The following LAMA3 variants were observed in gnomAD, a reference collection of about 807,000 sequenced individuals.
LAMA3 encodes the protein laminin subunit alpha 3, also known as laminin subunit alpha-3.
LAMA3 carries 281 observed loss-of-function variants against 402.0 expected under a neutral mutation model. That is an observed-to-expected ratio of 0.70 (90% CI 0.63 to 0.77). LAMA3 has a LOEUF of 0.77. Among genes scored for constraint, LAMA3 ranks in the 30% least tolerant of loss-of-function variants. The pLI is 0.00. For synonymous variants in LAMA3, 1,431 were observed against 1,558.4 expected, an observed-to-expected ratio of 0.92 and a Z score of 1.93; for missense variants, 3,840 against 4,215.5, an observed-to-expected ratio of 0.91 and a Z score of 2.47.
intron 25 of LAMA3, among the ~76,000 whole-genome samples, chr18:23,837,869 A>G (rs1389247836): frequency 1.3e-5 from 2 of 152,176 alleles, no homozygotes; most frequent in Admixed American, 6.5e-5. Flanking sequence ...TGTGCCTGAT[A>G]GTATTAAAAA....
At chr18:23,945,609 G>A (rs566311883) in intron 69 of LAMA3, among the ~76,000 whole-genome samples, 11 of 152,284 alleles carry the variant, frequency 7.2e-5, no homozygotes, top group South Asian at 2.1e-4. Context: ...GGAAGTGTCC[G>A]TAGTGAATAG....
chr18:23,899,756 C>A (rs919609213), intron 47 of LAMA3: 2 of 312,796 alleles, frequency 6.4e-6, no homozygotes, highest in Non-Finnish European at 1.2e-5. Context: ...TCACCTCTTT[C>A]CAGTTTTCTC....
chr18:23,831,844 C>T (rs1157265702), intron 23 of LAMA3, among the ~76,000 whole-genome samples: 1 of 152,146 alleles, frequency 6.6e-6, no homozygotes, highest in East Asian at 1.9e-4. Context: ...ATGTATTTAT[C>T]CTAAAACACT....
intron 2 of LAMA3, among the ~76,000 whole-genome samples, chr18:23,714,332 C>A (rs2061054989): frequency 6.6e-6 from 1 of 152,112 alleles, no homozygotes; most frequent in African/African-American, 2.4e-5. Context: ...CCAGCCTGAT[C>A]AACATGGTGA....
intron 1 of LAMA3, among the ~76,000 whole-genome samples, chr18:23,708,898 C>T (rs1304821203): frequency 6.7e-6 from 1 of 148,334 alleles, no homozygotes; most frequent in Non-Finnish European, 1.5e-5. Flanking sequence ...GCTGGGACTG[C>T]AAACACATAC....
intron 67 of LAMA3, among the ~76,000 whole-genome samples, chr18:23,938,408 C>T (rs1205499595): frequency 1.3e-5 from 2 of 152,198 alleles, no homozygotes; most frequent in African/African-American, 4.8e-5. Flanking sequence ...TTACTTCCAA[C>T]AATTTTCCTA....
At chr18:23,794,525 T>C (rs541009903) in intron 12 of LAMA3, among the ~76,000 whole-genome samples, 1 of 152,296 alleles carries the variant, frequency 6.6e-6, no homozygotes, top group East Asian at 1.9e-4. Context: ...CCACCTTTCC[T>C]GCCTACTGTG....
At chr18:23,867,734 G>T in intron 36 of LAMA3, 100 bp from the exon 37 acceptor site, 1 of 901,300 alleles carries the variant, frequency 1.1e-6, no homozygotes. Flanking sequence ...AGTCAGGTAT[G>T]TCATATGATG....
In LAMA3 at chr18:23,814,907, G is replaced by A. The variant is rs183229017; in HGVS notation, c.1889-281G>A. ...ATGCATGCATATCAGTAATGACCTC[G>A]GCATTGGAATCATTCAAAAATCCCA... is the stretch of plus-strand genomic sequence containing the variant. On this transcript the variant is annotated intron_variant, in intron 15 of 74. Transcript: ENST00000313654. Among the ~76,000 whole-genome samples the A allele has an allele frequency of 6.5e-4, 99 of 152,270 alleles. 2 individuals carry two copies. The East Asian group carries it at 0.018, about 28-fold the overall frequency.
At chr18:23,733,726 A>G (rs1035927457) in intron 2 of LAMA3, among the ~76,000 whole-genome samples, 19 of 152,054 alleles carry the variant, frequency 1.2e-4, no homozygotes, top group African/African-American at 4.6e-4. Flanking sequence ...CCTGAGATTG[A>G]GGGGTTTTGG....
intron 40 of LAMA3, 129 bp from the exon 41 acceptor site, chr18:23,884,644 T>C (rs1288077774): frequency 2.3e-6 from 2 of 862,970 alleles, no homozygotes; most frequent in African/African-American, 1.7e-5. Context: ...CAAAATTTTC[T>C]TCACACAAAG....
intron 11 of LAMA3, among the ~76,000 whole-genome samples, chr18:23,779,979 A>C (rs2062403080): frequency 6.6e-6 from 1 of 152,178 alleles, no homozygotes; most frequent in Non-Finnish European, 1.5e-5. Context: ...GCTCTACAGG[A>C]TGGGGCAGTC....
rs2062022044 is a variant in LAMA3 at position 23,763,741 on chromosome 18, C to G, written c.1182+218C>G. ...GTATGTTTACCCACACCCCTTTGAT[C>G]AGTTTCTCGATTTAAATTTTGCCTA... On this transcript the variant is annotated intron_variant, in intron 8 of 74. Coordinates refer to ENST00000313654, the MANE Select transcript of LAMA3 (RefSeq NM_198129.4). 2.6e-5 allele frequency among the ~76,000 whole-genome samples: 4 copies of G among 152,166 alleles called. No individual in the cohort carries two copies. The South Asian group carries it at 8.3e-4, about 32-fold the overall frequency.
intron 1 of LAMA3, among the ~76,000 whole-genome samples, chr18:23,693,506 G>A (rs1234860799): frequency 5.4e-5 from 8 of 147,460 alleles, no homozygotes; most frequent in Non-Finnish European, 1.2e-4. Flanking sequence ...GATTCCCTCA[G>A]CTCTTGAGAG....
At chr18:23,743,188 T>C (rs2143450410) in intron 2 of LAMA3, among the ~76,000 whole-genome samples, 1 of 152,334 alleles carries the variant, frequency 6.6e-6, no homozygotes, top group African/African-American at 2.4e-5. Flanking sequence ...TTCTTCATTT[T>C]CTTAAATATC....
intron 12 of LAMA3, among the ~76,000 whole-genome samples, chr18:23,792,671 C>T (rs2062682501): frequency 6.6e-6 from 1 of 152,140 alleles, no homozygotes; most frequent in South Asian, 2.1e-4. Flanking sequence ...GGCTTGGAAA[C>T]CCAAAGGCTA....
chr18:23,703,143 T>C (rs1046008078), intron 1 of LAMA3, among the ~76,000 whole-genome samples: 45 of 152,166 alleles, frequency 3.0e-4, no homozygotes, highest in Non-Finnish European at 1.0e-4. Flanking sequence ...GAAGAATCCT[T>C]TGGAGTGCTT....
intron 62 of LAMA3, among the ~76,000 whole-genome samples, chr18:23,923,559 G>A (rs1330597190): frequency 6.6e-6 from 1 of 152,224 alleles, no homozygotes; most frequent in East Asian, 1.9e-4. Flanking sequence ...GAGGAGTGGG[G>A]TGAGAAGTTA....
chr18:23,829,392 G>A (rs2063450941), intron 23 of LAMA3, among the ~76,000 whole-genome samples: 1 of 152,158 alleles, frequency 6.6e-6, no homozygotes, highest in African/African-American at 2.4e-5. Context: ...TTTTGAATGA[G>A]AGGTTTTTAT....
Sources: allele counts gnomAD v4.1 joint callset (sites outside exome capture counted in the v4.1 genomes callset), GRCh38; gene constraint gnomAD v4.1.1; transcripts MANE v1.5; gene names NCBI Gene and HGNC (gene_info 2026-07-23, HGNC 2026-07-21).